Variants in SEPTIN9 observed in about 807,000 individuals in gnomAD.
The protein encoded by SEPTIN9 is septin-9.
A neutral mutation model predicts 56.6 loss-of-function variants in SEPTIN9; 13 were observed. That is an observed-to-expected ratio of 0.23 (90% CI 0.15 to 0.37). The LOEUF is 0.37. Among genes scored for constraint, SEPTIN9 ranks in the 10% least tolerant of loss-of-function variants. SEPTIN9 has a pLI of 1.00. For synonymous variants in SEPTIN9, 332 were observed against 334.1 expected (o/e 0.99, Z 0.07); for missense variants, 650 against 823.1 (o/e 0.79, Z 2.57).
intron 1 of SEPTIN9, among the ~76,000 whole-genome samples, chr17:77,283,796 AG>A (rs1342421028): frequency 2.6e-5 from 4 of 152,224 alleles, no homozygotes; most frequent in African/African-American, 9.6e-5. Context: ...GTCTATAGAC[AG>A]TCATCGAAGA....
At chr17:77,306,807 G>A (rs1277294064) in intron 1 of SEPTIN9, among the ~76,000 whole-genome samples, 1 of 152,248 alleles carries the variant, frequency 6.6e-6, no homozygotes, top group Non-Finnish European at 1.5e-5. Flanking sequence ...GCTCACCTGT[G>A]TGCAACTCTC....
At position 77,485,296 on chromosome 17, in the gene SEPTIN9, GTGA is replaced by G. The variant is rs570803353; in HGVS notation, c.914-2122_914-2120del. Among the ~76,000 whole-genome samples the G allele has an allele frequency of 2.0e-3, 309 of 151,506 alleles. 2 individuals are homozygous for G. The highest frequency in any genetic ancestry group is 7.1e-3 in the African/African-American group (293 of 41,260). ...GTGGGTGATGGTGGTGTTGATGGGG[GTGA>G]TGATGTTAGTAGTGGTGGTGATAGT... On this transcript the variant is annotated intron_variant, in intron 4 of 11. Coordinates refer to ENST00000427177, the MANE Select transcript of SEPTIN9 (RefSeq NM_001113491.2).
At chr17:77,376,168 A>C (rs2034912371) in intron 2 of SEPTIN9, 7 of 987,264 alleles carry the variant, frequency 7.1e-6, no homozygotes, top group African/African-American at 1.7e-5. Context: ...AGCAGCCAGC[A>C]GCAGTGGGGG....
At chr17:77,283,364 G>A (rs895267692) in intron 1 of SEPTIN9, among the ~76,000 whole-genome samples, 1 of 151,956 alleles carries the variant, frequency 6.6e-6, no homozygotes, top group Non-Finnish European at 1.5e-5. Flanking sequence ...GTGGCCCAAG[G>A]TGTGCTGGGT....
At chr17:77,466,098 ACACACACACG>A (rs1187913082) in intron 3 of SEPTIN9, among the ~76,000 whole-genome samples, 1 of 141,162 alleles carries the variant, frequency 7.1e-6, no homozygotes, top group Admixed American at 7.0e-5. Flanking sequence ...ACACACACAC[ACACACACACG>A]AGTAAACTGT....
intron 1 of SEPTIN9, among the ~76,000 whole-genome samples, chr17:77,290,407 G>T (rs541296549): frequency 6.6e-6 from 1 of 151,646 alleles, no homozygotes; most frequent in East Asian, 2.0e-4. Flanking sequence ...ACAGGCACCC[G>T]CCCCCACGCC....
At chr17:77,392,361 C>A (rs530817179) in intron 2 of SEPTIN9, among the ~76,000 whole-genome samples, 1 of 152,168 alleles carries the variant, frequency 6.6e-6, no homozygotes. Context: ...TGGGTGCTGA[C>A]CCCCCTGGTG....
chr17:77,369,250 A>C lies in SEPTIN9; in HGVS notation c.77-32809A>C, dbSNP rs2034652087. ...CCCTGTCAAAAAAGAAAAGAAAAGA[A>C]AGAAATTGGCCAAGGCAGGAATATT... On this transcript the variant is annotated intron_variant, in intron 2 of 11. Transcript: ENST00000427177. This position sits in a 1 kb window ranked among gnomAD's most constrained non-coding sequence, Gnocchi z 4.9. Among the ~76,000 whole-genome samples the C allele has an allele frequency of 1.3e-5, 2 of 152,114 alleles. No individual in the cohort carries two copies. Among genetic ancestry groups the C allele is most frequent in the African/African-American group, 4.8e-5 (2 of 41,412 alleles).
At chr17:77,284,964 G>A (rs1481280269) in intron 1 of SEPTIN9, among the ~76,000 whole-genome samples, 3 of 152,164 alleles carry the variant, frequency 2.0e-5, no homozygotes, top group African/African-American at 4.8e-5. Context: ...CTATGTTGTT[G>A]TAAAGGTTAA....
intron 3 of SEPTIN9, among the ~76,000 whole-genome samples, chr17:77,427,740 G>T (rs1438130620): frequency 6.6e-6 from 1 of 152,172 alleles, no homozygotes. Context: ...TTCTGCCTCA[G>T]TCCTGGTCAG....
intron 2 of SEPTIN9, chr17:77,373,631 G>A: frequency 6.6e-7 from 1 of 1,511,722 alleles, no homozygotes; most frequent in Non-Finnish European, 8.9e-7. Context: ...GGACGGGGGT[G>A]CGCTGAGGGG....
At chr17:77,320,321 G>C (rs1171655760) in intron 2 of SEPTIN9, 2 of 1,613,062 alleles carry the variant, frequency 1.2e-6, no homozygotes, top group African/African-American at 1.3e-5. Context: ...AAATATATCC[G>C]TAGGAATGGA....
intron 2 of SEPTIN9, among the ~76,000 whole-genome samples, chr17:77,381,487 G>T (rs1451778950): frequency 1.3e-5 from 2 of 152,158 alleles, no homozygotes; most frequent in East Asian, 3.8e-4. Flanking sequence ...CAGTTTCCCT[G>T]CGAGGGGCAG....
chr17:77,463,753 G>T (rs941021275), intron 3 of SEPTIN9, among the ~76,000 whole-genome samples: 8 of 152,054 alleles, frequency 5.3e-5, no homozygotes, highest in Non-Finnish European at 1.0e-4. Context: ...CGAGGCCGGA[G>T]AATTGCTTGA....
In SEPTIN9 at chr17:77,449,180, G is replaced by A. The variant is rs900753090; in HGVS notation, c.722-32964G>A. The stretch of plus-strand genomic sequence containing the variant: ...TGGAGGGTTGGACCGAGGGCCAGCC[G>A]AGAAGGCTCTGGGGCTGCTCTACCT... On this transcript the variant is annotated intron_variant, in intron 3 of 11. Transcript: ENST00000427177. This position sits in a 1 kb window ranked among gnomAD's most constrained non-coding sequence, Gnocchi z 4.6. Among the ~76,000 whole-genome samples the A allele has an allele frequency of 9.2e-5, 14 of 152,186 alleles. No individual in the cohort carries two copies. Among genetic ancestry groups the A allele is most frequent in the African/African-American group, 2.2e-4 (9 of 41,430 alleles).
At chr17:77,427,988 T>G (rs553472052) in intron 3 of SEPTIN9, among the ~76,000 whole-genome samples, 31 of 152,352 alleles carry the variant, frequency 2.0e-4, no homozygotes, top group African/African-American at 6.7e-4. Context: ...GATTCATTTA[T>G]TGTCATCAGT....
At chr17:77,390,515 G>T (rs1215269225) in intron 2 of SEPTIN9, among the ~76,000 whole-genome samples, 46 of 138,622 alleles carry the variant, frequency 3.3e-4, no homozygotes, top group East Asian at 9.0e-4. Context: ...GCAGTGGCGC[G>T]ATCTCGGCTC....
intron 1 of SEPTIN9, 57 bp from the exon 2 acceptor site, chr17:77,307,084 C>T: frequency 1.3e-6 from 2 of 1,513,670 alleles, no homozygotes; most frequent in Non-Finnish European, 1.8e-6. Flanking sequence ...AATCATCCAC[C>T]CGGAGGGAGA....
intron 2 of SEPTIN9, among the ~76,000 whole-genome samples, chr17:77,312,336 G>A (rs1192965667): frequency 2.0e-5 from 3 of 152,114 alleles, no homozygotes; most frequent in Non-Finnish European, 2.9e-5. Context: ...CCAAAGCCTC[G>A]AGGGTGGATT....
Sources: gnomAD v4.1 joint callset for allele counts (sites outside exome capture counted in the v4.1 genomes callset) on GRCh38, gnomAD v4.1.1 for gene constraint, Gnocchi (gnomAD v3.1) non-coding constraint, MANE v1.5 for transcripts, NCBI Gene and HGNC (gene_info 2026-07-23, HGNC 2026-07-21) for gene names.